ABCC6: variants seen among roughly 807,000 people sequenced by gnomAD.
The protein encoded by ABCC6 is ATP binding cassette subfamily C member 6.
ABCC6 carries 126 observed loss-of-function variants against 169.5 expected under a neutral mutation model. The ratio of observed to expected loss-of-function variants is 0.74; its 90% CI spans 0.64 to 0.86. ABCC6 has a LOEUF of 0.86. ABCC6 is among the 40% of genes least tolerant of loss of function. The pLI, the probability that ABCC6 is intolerant of heterozygous loss-of-function variation, is 0.00. For missense variants in ABCC6, 1,733 were observed against 1,927.2 expected (o/e 0.90, Z 1.89); for synonymous variants, 752 against 814.7 (o/e 0.92, Z 1.31).
At chr16:16,197,563 G>A (rs12929319) in intron 10 of ABCC6, among the ~76,000 whole-genome samples, 66,479 of 147,906 alleles carry the variant, frequency 0.45, 17,597 homozygotes, top group South Asian at 0.68. Context: ...AAGATGACAG[G>A]GAGCAGAAAG....
chr16:16,204,210 C>T (rs1259305128), intron 7 of ABCC6, among the ~76,000 whole-genome samples: 1 of 152,076 alleles, frequency 6.6e-6, no homozygotes, highest in Non-Finnish European at 1.5e-5. Flanking sequence ...CAAGTGCCAC[C>T]ATACCCAGCT....
Position 16,188,935 on chromosome 16 carries a change from CG to C in ABCC6, c.1674del (p.Glu559ArgfsTer4), listed in dbSNP as rs1313008538. 2 of 1,613,952 alleles carry C rather than the reference CG, an allele frequency of 1.2e-6. No homozygotes were observed. The highest frequency in any genetic ancestry group is 1.3e-5 in the African/African-American group (1 of 74,912). On this transcript the variant is annotated frameshift_variant, in exon 13 of 31. Transcript: ENST00000205557. LOFTEE classifies it high-confidence loss of function. ...LVVFAVHTLVAENAMNAEKAF... is the reference protein window; with the variant it reads ...LVVFAVHTLVXENAMNAEKAF... ...GCTTTCTCTGCATTCATAGCATTCT[CG>C]GCCACCAGAGTGTGGACAGCAAACA...
In ABCC6 at chr16:16,169,857, T is replaced by G; in HGVS notation, c.2788-4A>C. On this transcript the variant is annotated splice_region_variant and splice_polypyrimidine_tract_variant and intron_variant, in intron 21 of 30. Coordinates refer to ENST00000205557, the MANE Select transcript of ABCC6 (RefSeq NM_001171.6). The stretch of plus-strand genomic sequence containing the variant: ...CCAGGTGCACTGTGGCCTTCACCTG[T>G]AGCACACATGAGGGAGAGGGAGGCA... The G allele has an allele frequency of 6.4e-7, 1 of 1,551,502 alleles. No individual in the cohort carries two copies.
intron 8 of ABCC6, 60 bp downstream of exon 8, chr16:16,203,350 T>A: frequency 6.2e-7 from 1 of 1,610,968 alleles, no homozygotes; most frequent in Non-Finnish European, 8.5e-7. Context: ...CCCCTGGCCC[T>A]GGAAGGATGC....
intron 25 of ABCC6, 65 bp from the exon 26 acceptor site, chr16:16,159,648 CT>C: frequency 4.7e-6 from 7 of 1,476,240 alleles, no homozygotes; most frequent in East Asian, 2.3e-5. Context: ...AACAGCCCCC[CT>C]GGTTTCCCAA....
intron 12 of ABCC6, 93 bp downstream of exon 12, chr16:16,190,071 G>A: frequency 1.5e-6 from 2 of 1,369,032 alleles, no homozygotes; most frequent in Non-Finnish European, 2.1e-6. Context: ...GGACGGGGTG[G>A]TAGGATCTGG....
At position 16,192,900 on chromosome 16, in the gene ABCC6, G is replaced by A. The variant is rs554886514; in HGVS notation, c.1361C>T (p.Thr454Ile). 2.0e-4 allele frequency: 325 copies of A among 1,614,180 alleles called. 3 individuals carry two copies. In the South Asian group the frequency reaches 2.8e-3, roughly 14 times the overall value. ...GAGGCTCAGGAAGACAGCGATGGCA[G>A]TGAGGGCGGAGGGCCCCAGGAGCTG... ...LWQLLGPSALTAIAVFLSLLP... is the reference protein window; with the variant it reads ...LWQLLGPSALIAIAVFLSLLP... The change falls in exon 11 of 31, where the codon ACT becomes ATT. Residue 454 changes from threonine (T) to isoleucine (I), a missense_variant. Thr to Ile is a moderately conservative substitution (Grantham distance 89). Coordinates refer to ENST00000205557, the MANE Select transcript of ABCC6 (RefSeq NM_001171.6).
chr16:16,155,073 T>A (rs931418646), intron 27 of ABCC6, 42 bp from the exon 28 acceptor site: 3 of 1,534,298 alleles, frequency 2.0e-6, no homozygotes, highest in Non-Finnish European at 2.6e-6. Context: ...GACCAGAGGG[T>A]TTGTGGGCAT....
In ABCC6 at chr16:16,185,006, G is replaced by T. The variant is rs8058694; in HGVS notation, c.1896C>A (p.His632Gln). ...SAAGKDCITI[H>Q]SATFAWSQES... Reference sequence around the variant, plus strand: ...CCTGGGACCAGGCGAAGGTGGCACTGTGTATGGTGATGCAATCCTTCCCGG... The same window carrying T: ...CCTGGGACCAGGCGAAGGTGGCACTTTGTATGGTGATGCAATCCTTCCCGG... Residue 632 changes from histidine to glutamine, a missense_variant, in exon 15 of 31, where the codon CAC (histidine) becomes CAA (glutamine). Physicochemically the swap from His to Gln is conservative, Grantham distance 24. Transcript: ENST00000205557. 746,297 of 1,608,938 alleles carry T rather than the reference G, an allele frequency of 0.46. 178,917 individuals are homozygous for T. The highest frequency in any genetic ancestry group is 0.5 in the Non-Finnish European group (589,200 of 1,175,614).
chr16:16,222,613 C>G (rs1429456967), intron 1 of ABCC6, among the ~76,000 whole-genome samples: 1 of 151,926 alleles, frequency 6.6e-6, no homozygotes, highest in African/African-American at 2.4e-5. Flanking sequence ...CTCCTGGTCT[C>G]AAGCAATCCT....
intron 9 of ABCC6, among the ~76,000 whole-genome samples, chr16:16,200,693 G>C (rs551487486): frequency 6.7e-6 from 1 of 150,348 alleles, no homozygotes; most frequent in South Asian, 2.1e-4. Context: ...CGGCCACCTA[G>C]GAGCTGTCCC....
intron 18 of ABCC6, among the ~76,000 whole-genome samples, chr16:16,178,016 G>C (rs1414770100): frequency 4.2e-5 from 6 of 144,006 alleles, no homozygotes; most frequent in Admixed American, 2.1e-4. Context: ...AAGAGAGAGA[G>C]AGAGAAAGAA....
At position 16,157,693 on chromosome 16, in the gene ABCC6, G is replaced by T. The variant is rs56982924; in HGVS notation, c.3852C>A (p.Gly1284=). 6.2e-7 allele frequency: 1 copy of T among 1,613,902 alleles called. No homozygotes were observed. The highest frequency in any genetic ancestry group is 8.5e-7 in the Non-Finnish European group (1 of 1,180,008). Residue 1284 remains glycine (G), a synonymous_variant, in exon 27 of 31, where the codon GGC becomes GGA. Transcript: ENST00000205557. ...CTCCTGCGTGGATCTTGAAGGACAC[G>T]CCCTGCACAGCCAGCGGGAGCTCAG... The part of the protein sequence containing the change: ...YRPELPLAVQ[G]VSFKIHAGEK...
At chr16:16,162,967 G>C in intron 24 of ABCC6, 26 bp downstream of exon 24, 1 of 1,613,802 alleles carries the variant, frequency 6.2e-7, no homozygotes. Context: ...GAATTGCAAG[G>C]TCTTCTCTGC....
rs2046855681 is a variant in ABCC6 at position 16,165,836 on chromosome 16, A to G, written c.3093T>C (p.Ser1031=). The G allele has an allele frequency of 6.2e-7, 1 of 1,613,434 alleles. No homozygotes were observed. Among genetic ancestry groups the G allele is most frequent in the East Asian group, 2.2e-5 (1 of 44,864 alleles). The part of the protein sequence containing the change: ...FQRLLWDVVR[S]PISFFERTPI... ...GTGTCCGCTCAAAGAAGCTGATGGG[A>G]GATCGCACCACATCCCACAGGAGCC... Residue 1031 remains serine (S), a synonymous_variant, in exon 23 of 31, where the codon TCT becomes TCC. Transcript: ENST00000205557.
chr16:16,199,837 G>A (rs1372256391), intron 9 of ABCC6, among the ~76,000 whole-genome samples: 1 of 150,530 alleles, frequency 6.6e-6, no homozygotes, highest in Non-Finnish European at 1.5e-5. Context: ...GGAGGCTGAG[G>A]CGGGTGGATT....
chr16:16,215,438 GGTGTGTGTGTGTGTGTGT>G (rs56229208), intron 4 of ABCC6, among the ~76,000 whole-genome samples: 2 of 136,932 alleles, frequency 1.5e-5, no homozygotes, highest in African/African-American at 5.5e-5. Flanking sequence ...TTTAATTTTA[GGTGTGTGTGTGTGTGTGT>G]GTGTGTGTGT....
chr16:16,158,700 T>G (rs2046625291), intron 26 of ABCC6, among the ~76,000 whole-genome samples: 1 of 152,246 alleles, frequency 6.6e-6, no homozygotes, highest in Non-Finnish European at 1.5e-5. Context: ...TGCCATCATG[T>G]TACTATAATG....
chr16:16,211,860 G>A (rs1490276863), intron 6 of ABCC6, among the ~76,000 whole-genome samples: 2 of 151,820 alleles, frequency 1.3e-5, no homozygotes, highest in East Asian at 1.9e-4. Context: ...TTAAGCACCC[G>A]CTGTGTGCAA....
Sources: allele counts gnomAD v4.1 joint callset (sites outside exome capture counted in the v4.1 genomes callset), GRCh38; gene constraint gnomAD v4.1.1; transcripts MANE v1.5; gene names NCBI Gene and HGNC (gene_info 2026-07-23, HGNC 2026-07-21).